C16orf78: variants seen among roughly 807,000 people sequenced by gnomAD.
C16orf78 encodes chromosome 16 open reading frame 78.
Under a neutral mutation model 27.3 loss-of-function variants are expected in C16orf78, and 19 were observed. The observed-to-expected ratio is 0.70, with a 90% CI of 0.49 to 1.02. The LOEUF (loss-of-function observed/expected upper bound fraction) is 1.02. Ranked by LOEUF, C16orf78 falls within the 50% of genes least tolerant of loss-of-function variation. C16orf78 has a pLI of 0.00. For synonymous variants in C16orf78, 130 were observed against 116.1 expected, an observed-to-expected ratio of 1.12 and a Z score of -0.77; for missense variants, 339 against 337.0, an observed-to-expected ratio of 1.01 and a Z score of -0.05.
At chr16:49,374,516 C>T (rs889667055) in intron 1 of C16orf78, among the ~76,000 whole-genome samples, 1 of 152,176 alleles carries the variant, frequency 6.6e-6, no homozygotes, top group Non-Finnish European at 1.5e-5. Flanking sequence ...GGCCAAGGGC[C>T]TATCATCAGG....
Position 49,377,840 on chromosome 16 carries a change from C to A in C16orf78, c.260C>A (p.Thr87Asn), listed in dbSNP as rs752240248. 5.3e-5 allele frequency: 83 copies of A among 1,575,336 alleles called. No homozygotes were observed. In the Middle Eastern group the frequency reaches 9.0e-4, roughly 17 times the overall value. ...ARGGNRRDTETSQQALGKRFR... is the reference protein window; with the variant it reads ...ARGGNRRDTENSQQALGKRFR... ...GGAGGGAACCGCAGGGACACGGAGA[C>A]TTCCCAGCAGGTAATGCAGCCCCTC... is the stretch of plus-strand genomic sequence containing the variant. Residue 87 changes from threonine to asparagine, a missense_variant, in exon 2 of 5, where the codon ACT becomes AAT. Thr to Asn is a moderately conservative substitution (Grantham distance 65, BLOSUM62 0). Transcript: ENST00000299191.
At chr16:49,388,503 A>G (rs1176471640) in intron 3 of C16orf78, among the ~76,000 whole-genome samples, 1 of 152,066 alleles carries the variant, frequency 6.6e-6, no homozygotes, top group Non-Finnish European at 1.5e-5. Flanking sequence ...TTTAATTTCC[A>G]TGAAATCGTA....
At chr16:49,391,388 G>A (rs747975294) in intron 3 of C16orf78, among the ~76,000 whole-genome samples, 6 of 152,094 alleles carry the variant, frequency 3.9e-5, no homozygotes, top group Non-Finnish European at 7.3e-5. Context: ...TTTTGTCTCC[G>A]CGAGCACAGA....
intron 3 of C16orf78, among the ~76,000 whole-genome samples, chr16:49,388,144 A>T (rs565697549): frequency 9.9e-5 from 15 of 152,098 alleles, no homozygotes; most frequent in African/African-American, 1.4e-4. Flanking sequence ...ATTTTTTTTT[A>T]AAAACCCACA....
At chr16:49,390,900 A>C (rs1965404888) in intron 3 of C16orf78, among the ~76,000 whole-genome samples, 1 of 152,164 alleles carries the variant, frequency 6.6e-6, no homozygotes, top group Admixed American at 6.5e-5. Flanking sequence ...TTCCAAATGA[A>C]GGTTGGGGCA....
intron 1 of C16orf78, among the ~76,000 whole-genome samples, chr16:49,377,211 A>G (rs1004880245): frequency 6.6e-6 from 1 of 152,204 alleles, no homozygotes; most frequent in Non-Finnish European, 1.5e-5. Flanking sequence ...ACCTGGGGAA[A>G]TAGAAAGGCA....
chr16:49,380,893 CT>C (rs539412647), intron 3 of C16orf78, among the ~76,000 whole-genome samples: 5,679 of 151,936 alleles, frequency 0.037, 345 homozygotes, highest in African/African-American at 0.13. Flanking sequence ...ATAGGGAATC[CT>C]TTCCCCATTG....
intron 3 of C16orf78, among the ~76,000 whole-genome samples, chr16:49,393,938 A>G (rs1388871228): frequency 6.6e-6 from 1 of 152,120 alleles, no homozygotes; most frequent in Non-Finnish European, 1.5e-5. Context: ...ATAGAATACT[A>G]TACCTCTATA....
rs138237824 is a variant in C16orf78, at chr16:49,392,260, C to T, written c.395-4163C>T. On this transcript the variant is annotated intron_variant, in intron 3 of 4. Transcript: ENST00000299191. Reference sequence around the variant, plus strand: ...AGAGTAAAGACCCCCATAATACTGACCCCAACTCACATAAGTCACTATCAA... The same window carrying T: ...AGAGTAAAGACCCCCATAATACTGATCCCAACTCACATAAGTCACTATCAA... Among the ~76,000 whole-genome samples, 1,197 of 152,282 alleles carry T rather than the reference C, an allele frequency of 7.9e-3. 15 individuals carry two copies. The highest frequency in any genetic ancestry group is 0.037 in the East Asian group (193 of 5,188).
At chr16:49,382,146 C>T (rs1053733619) in intron 3 of C16orf78, among the ~76,000 whole-genome samples, 52 of 152,182 alleles carry the variant, frequency 3.4e-4, no homozygotes, top group Non-Finnish European at 6.5e-4. Context: ...TCATCATTCT[C>T]AGTAAACTAT....
At chr16:49,389,594 T>A (rs1178934411) in intron 3 of C16orf78, among the ~76,000 whole-genome samples, 1 of 152,148 alleles carries the variant, frequency 6.6e-6, no homozygotes, top group East Asian at 1.9e-4. Flanking sequence ...AGACTCTGTA[T>A]TAAAAAGTAA....
At chr16:49,395,199 C>G (rs527967189) in intron 3 of C16orf78, among the ~76,000 whole-genome samples, 6 of 152,144 alleles carry the variant, frequency 3.9e-5, no homozygotes, top group African/African-American at 1.4e-4. Flanking sequence ...GCCCAGCTGA[C>G]AAATATAGTT....
Position 49,399,345 on chromosome 16 carries a change from C to T in C16orf78, c.*67C>T. On this transcript the variant is annotated 3_prime_UTR_variant, in exon 5 of 5. Transcript: ENST00000299191. The stretch of plus-strand genomic sequence containing the variant: ...GGACCCTTCACCTCCAGATGCCATC[C>T]TCTGGCACACTACAAGTGGTCCTTC... The T allele has an allele frequency of 1.9e-6, 3 of 1,553,268 alleles. No individual in the cohort carries two copies. Among genetic ancestry groups the T allele is most frequent in the Non-Finnish European group, 2.6e-6 (3 of 1,134,570 alleles).
chr16:49,394,531 T>C (rs1023805487), intron 3 of C16orf78, among the ~76,000 whole-genome samples: 5 of 151,740 alleles, frequency 3.3e-5, no homozygotes, highest in Non-Finnish European at 5.9e-5. Flanking sequence ...GAAAACTCTA[T>C]GTCAACCAGG....
At chr16:49,395,968 C>A (rs1304611973) in intron 3 of C16orf78, among the ~76,000 whole-genome samples, 10 of 152,126 alleles carry the variant, frequency 6.6e-5, no homozygotes, top group African/African-American at 2.4e-4. Flanking sequence ...CTGGGCTAGG[C>A]ACGGTGGCTC....
chr16:49,396,930 C>T (rs1461177051), intron 4 of C16orf78, among the ~76,000 whole-genome samples: 1 of 152,208 alleles, frequency 6.6e-6, no homozygotes, highest in Non-Finnish European at 1.5e-5. Context: ...GATGCCACAC[C>T]TTTCAACAAC....
intron 3 of C16orf78, among the ~76,000 whole-genome samples, chr16:49,388,143 T>A (rs76923565): frequency 0.047 from 7,133 of 152,034 alleles, 353 homozygotes; most frequent in African/African-American, 0.12. Flanking sequence ...AATTTTTTTT[T>A]AAAAACCCAC....
intron 3 of C16orf78, among the ~76,000 whole-genome samples, chr16:49,379,773 T>G (rs1965265519): frequency 6.6e-6 from 1 of 152,260 alleles, no homozygotes; most frequent in Non-Finnish European, 1.5e-5. Context: ...CTCCTTATTT[T>G]CTTTGCAACA....
intron 3 of C16orf78, among the ~76,000 whole-genome samples, chr16:49,392,559 A>G (rs1484888434): frequency 6.6e-6 from 1 of 152,270 alleles, no homozygotes; most frequent in African/African-American, 2.4e-5. Context: ...TTAAATGTTA[A>G]AGAGAATAAC....
Sources: allele counts gnomAD v4.1 joint callset (sites outside exome capture counted in the v4.1 genomes callset), GRCh38; gene constraint gnomAD v4.1.1; transcripts MANE v1.5; gene names NCBI Gene and HGNC (gene_info 2026-07-23, HGNC 2026-07-21).